Variants in ITGA8 observed in about 807,000 individuals in gnomAD.
ITGA8 encodes the protein integrin alpha-8.
ITGA8 carries 91 observed loss-of-function variants against 142.3 expected under a neutral mutation model. The observed-to-expected ratio is 0.64, with a 90% CI of 0.54 to 0.76. The LOEUF (loss-of-function observed/expected upper bound fraction) is 0.76. Among genes scored for constraint, ITGA8 ranks in the 30% least tolerant of loss-of-function variants. ITGA8 has a pLI of 0.00. For synonymous variants in ITGA8, 505 were observed against 485.2 expected (o/e 1.04, Z -0.54); for missense variants, 1,406 against 1,327.7 (o/e 1.06, Z -0.92).
intron 9 of ITGA8, 126 bp from the exon 10 acceptor site, chr10:15,659,181 C>G: frequency 1.9e-6 from 1 of 535,280 alleles, no homozygotes; most frequent in Non-Finnish European, 3.2e-6. Flanking sequence ...AAATGTAAAA[C>G]AAAAATGAAA....
intron 22 of ITGA8, 128 bp from the exon 23 acceptor site, chr10:15,586,792 T>C: frequency 1.7e-6 from 1 of 571,692 alleles, no homozygotes; most frequent in East Asian, 2.9e-5. Flanking sequence ...AGGATACAAG[T>C]GTATTCATTC....
chr10:15,586,280 A>C (rs1832830658), intron 23 of ITGA8, among the ~76,000 whole-genome samples: 1 of 151,826 alleles, frequency 6.6e-6, no homozygotes, highest in African/African-American at 2.4e-5. Flanking sequence ...GCTGGTCTCA[A>C]ACTCCTGACC....
intron 21 of ITGA8, 188 bp downstream of exon 21, chr10:15,597,019 T>G: frequency 1.8e-6 from 1 of 569,446 alleles, no homozygotes; most frequent in Non-Finnish European, 3.1e-6. Context: ...TCTTTCTGTG[T>G]TTTTAGCTTG....
chr10:15,616,730 C>T (rs1253390994), intron 13 of ITGA8, among the ~76,000 whole-genome samples, 171 bp from the exon 14 acceptor site: 1 of 99,660 alleles, frequency 1.0e-5, no homozygotes, highest in Non-Finnish European at 2.5e-5. Flanking sequence ...GATGTTGGAG[C>T]TTCACTATAA....
chr10:15,714,983 A>G (rs567128577), intron 2 of ITGA8, among the ~76,000 whole-genome samples: 30 of 152,336 alleles, frequency 2.0e-4, no homozygotes, highest in African/African-American at 7.0e-4. Context: ...AAAGTCACTG[A>G]TGTCTTGACA....
At position 15,719,886 on chromosome 10, in the gene ITGA8, G is replaced by T. The variant is rs1340233399; in HGVS notation, c.-115C>A. On this transcript the variant is annotated 5_prime_UTR_variant, in exon 1 of 30. Transcript: ENST00000378076. ...CCAGCTGCCCGTGTCCCGGGTCGGTGCGCTCGGCGCACCCGTGGTGACAGT... is the reference window on the plus strand; with the variant it reads ...CCAGCTGCCCGTGTCCCGGGTCGGTTCGCTCGGCGCACCCGTGGTGACAGT... 4 of 794,200 alleles carry T rather than the reference G, an allele frequency of 5.0e-6. No individual in the cohort carries two copies. Among genetic ancestry groups the T allele is most frequent in the Non-Finnish European group, 6.9e-6 (4 of 579,928 alleles). The allele number at this position is 794,200 out of a possible 1,614,324, so 49.2% of individuals were successfully genotyped here.
chr10:15,642,262 T>C (rs766484412), intron 13 of ITGA8, among the ~76,000 whole-genome samples: 3 of 152,350 alleles, frequency 2.0e-5, no homozygotes, highest in Middle Eastern at 3.4e-3. Context: ...AGTTGACTCA[T>C]GCCTCTGTCC....
chr10:15,712,151 G>A (rs1158859478), intron 2 of ITGA8, among the ~76,000 whole-genome samples: 1 of 152,144 alleles, frequency 6.6e-6, no homozygotes, highest in Non-Finnish European at 1.5e-5. Context: ...TATGTTCTTT[G>A]TAAACATGTA....
At position 15,671,639 on chromosome 10, in the gene ITGA8, C is replaced by T. The variant is rs1834521682; in HGVS notation, c.811G>A (p.Val271Ile). 2.5e-6 allele frequency: 4 copies of T among 1,612,054 alleles called. No homozygotes were observed. Among genetic ancestry groups the T allele is most frequent in the Non-Finnish European group, 3.4e-6 (4 of 1,178,450 alleles). ...SYDDSYLGYS[V>I]AAGEFTGDSQ... is the part of the protein sequence containing the mutation. ...TCCCCAGTAAACTCCCCAGCAGCAA[C>T]TGAGTATCCTGTTTTAAAGAAAAAG... is the stretch of plus-strand genomic sequence containing the variant. The change falls in exon 8 of 30, where the codon GTT (valine) becomes ATT (isoleucine). Residue 271 changes from valine (V) to isoleucine (I), a missense_variant. Transcript: ENST00000378076.
chr10:15,565,863 TACAG>T (rs1834069587), intron 25 of ITGA8, among the ~76,000 whole-genome samples: 1 of 152,030 alleles, frequency 6.6e-6, no homozygotes, highest in Admixed American at 6.6e-5. Context: ...GTGCTGGGAT[TACAG>T]GCATGAGCCA....
At chr10:15,635,160 C>G (rs1315465073) in intron 13 of ITGA8, among the ~76,000 whole-genome samples, 1 of 151,752 alleles carries the variant, frequency 6.6e-6, no homozygotes, top group African/African-American at 2.4e-5. Context: ...GCACGTGCTA[C>G]CATGCCCAGC....
intron 9 of ITGA8, 24 bp downstream of exon 9, chr10:15,660,855 C>G: frequency 6.3e-7 from 1 of 1,591,098 alleles, no homozygotes; most frequent in Non-Finnish European, 8.6e-7. Context: ...TACCCTATTC[C>G]TGTAATGCAT....
chr10:15,529,875 C>A (rs564357430), intron 28 of ITGA8, among the ~76,000 whole-genome samples: 2 of 152,214 alleles, frequency 1.3e-5, no homozygotes, highest in Admixed American at 1.3e-4. Flanking sequence ...CAGAGCCTGG[C>A]TCAGCAGATC....
intron 10 of ITGA8, among the ~76,000 whole-genome samples, chr10:15,657,711 G>T (rs1254714568): frequency 6.6e-6 from 1 of 151,718 alleles, no homozygotes; most frequent in East Asian, 1.9e-4. Context: ...TGTTTCTCCA[G>T]GCAATCGATT....
intron 27 of ITGA8, among the ~76,000 whole-genome samples, chr10:15,531,634 G>A (rs10906925): frequency 0.51 from 77,336 of 152,030 alleles, 23,645 homozygotes; most frequent in Middle Eastern, 0.7. Flanking sequence ...GAAACTGGCA[G>A]TAAGTTATAA....
At chr10:15,657,942 TCATCATAA>T (rs1834217383) in intron 10 of ITGA8, among the ~76,000 whole-genome samples, 1 of 152,188 alleles carries the variant, frequency 6.6e-6, no homozygotes, top group East Asian at 1.9e-4. Flanking sequence ...TAGTTTATGA[TCATCATAA>T]GCACACGTAT....
intron 12 of ITGA8, among the ~76,000 whole-genome samples, 164 bp downstream of exon 12, chr10:15,646,682 A>C (rs1833986139): frequency 6.6e-6 from 1 of 152,220 alleles, no homozygotes; most frequent in Admixed American, 6.5e-5. Context: ...TATTAGTCAA[A>C]ATGTATAAAC....
intron 13 of ITGA8, among the ~76,000 whole-genome samples, chr10:15,640,539 A>G (rs1478647335): frequency 6.6e-6 from 1 of 152,218 alleles, no homozygotes; most frequent in Admixed American, 6.5e-5. Flanking sequence ...CGTAGCATTT[A>G]CTGACTGAAC....
At chr10:15,657,962 C>T (rs1007134191) in intron 10 of ITGA8, among the ~76,000 whole-genome samples, 2 of 152,084 alleles carry the variant, frequency 1.3e-5, no homozygotes, top group South Asian at 2.1e-4. Context: ...CACACGTATT[C>T]GCATGCATCT....
Sources: gnomAD v4.1 joint callset for allele counts (sites outside exome capture counted in the v4.1 genomes callset) on GRCh38, gnomAD v4.1.1 for gene constraint, MANE v1.5 for transcripts, NCBI Gene and HGNC (gene_info 2026-07-23, HGNC 2026-07-21) for gene names.